CHRDL2: variants seen among roughly 807,000 people sequenced by gnomAD.
The protein encoded by CHRDL2 is chordin-like protein 2.
CHRDL2 carries 41 observed loss-of-function variants against 54.3 expected under a neutral mutation model. The ratio of observed to expected loss-of-function variants is 0.76; its 90% confidence interval spans 0.59 to 0.98. The LOEUF is 0.98. Among genes scored for constraint, CHRDL2 ranks in the 50% least tolerant of loss-of-function variants. The pLI, the probability that CHRDL2 is intolerant of heterozygous loss-of-function variation, is 0.00. For missense variants in CHRDL2, 518 were observed against 562.4 expected (o/e 0.92, Z 0.80); for synonymous variants, 220 against 224.3 (o/e 0.98, Z 0.17).
At chr11:74,703,080 A>C (rs966228724) in intron 8 of CHRDL2, 113 bp from the exon 9 acceptor site, 2 of 1,153,206 alleles carry the variant, frequency 1.7e-6, no homozygotes, top group African/African-American at 1.6e-5. Context: ...TACTGATTCT[A>C]TGTTAACAAC....
intron 3 of CHRDL2, among the ~76,000 whole-genome samples, chr11:74,712,911 A>G (rs2034241835): frequency 6.6e-6 from 1 of 152,176 alleles, no homozygotes; most frequent in Non-Finnish European, 1.5e-5. Flanking sequence ...ATCAGGACAC[A>G]TAGAGTCCCT....
chr11:74,726,644 G>A (rs2034575363), intron 1 of CHRDL2, among the ~76,000 whole-genome samples: 1 of 152,208 alleles, frequency 6.6e-6, no homozygotes, highest in Non-Finnish European at 1.5e-5. Context: ...TGGCGGCTGG[G>A]GGAACTTGAG....
intron 1 of CHRDL2, among the ~76,000 whole-genome samples, chr11:74,728,037 A>C (rs1328532476): frequency 2.0e-5 from 3 of 152,162 alleles, no homozygotes; most frequent in Non-Finnish European, 4.4e-5. Context: ...ATTGGTGTTC[A>C]ACCTGTGGCC....
At chr11:74,706,660 C>G (rs1450979674) in intron 5 of CHRDL2, 118 bp from the exon 6 acceptor site, 3 of 872,930 alleles carry the variant, frequency 3.4e-6, no homozygotes, top group Non-Finnish European at 5.6e-6. Flanking sequence ...CCATCTGCAG[C>G]CCCAGCCCAC....
chr11:74,698,705 A>G (rs1487108329), intron 9 of CHRDL2: 1 of 144,426 alleles, frequency 6.9e-6, no homozygotes, highest in Non-Finnish European at 1.6e-5. Context: ...ACACACACAC[A>G]CACACACACA....
At chr11:74,698,676 TACAC>T (rs56835377) in intron 9 of CHRDL2, 16,868 of 136,022 alleles carry the variant, frequency 0.12, 1,045 homozygotes, top group African/African-American at 0.14. Flanking sequence ...GATGAACAAA[TACAC>T]ACACACACAC....
intron 3 of CHRDL2, among the ~76,000 whole-genome samples, chr11:74,712,918 C>G (rs2034242179): frequency 6.6e-6 from 1 of 152,166 alleles, no homozygotes; most frequent in South Asian, 2.1e-4. Context: ...CACATAGAGT[C>G]CCTGAATCTC....
At chr11:74,714,148 G>A (rs1297031412) in intron 2 of CHRDL2, among the ~76,000 whole-genome samples, 1 of 152,008 alleles carries the variant, frequency 6.6e-6, no homozygotes, top group Non-Finnish European at 1.5e-5. Context: ...AGCTCTCCAG[G>A]CAGTTTTTTT....
chr11:74,701,341 G>A (rs1313332124), intron 9 of CHRDL2: 2 of 406,376 alleles, frequency 4.9e-6, no homozygotes, highest in Non-Finnish European at 8.8e-6. Flanking sequence ...GCAGAGTTAG[G>A]ATTCGAACCC....
intron 1 of CHRDL2, among the ~76,000 whole-genome samples, chr11:74,720,728 C>T (rs1350854324): frequency 1.3e-5 from 2 of 152,140 alleles, no homozygotes; most frequent in East Asian, 1.9e-4. Context: ...GTGGGGTGAG[C>T]GGGGAGCTCA....
chr11:74,699,613 T>C (rs2033733504), intron 9 of CHRDL2: 1 of 152,272 alleles, frequency 6.6e-6, no homozygotes, highest in African/African-American at 2.4e-5. Context: ...GGGCTTGGAA[T>C]TGAGACCCCG....
intron 2 of CHRDL2, among the ~76,000 whole-genome samples, chr11:74,715,129 C>G (rs373971910): frequency 6.6e-6 from 1 of 152,170 alleles, no homozygotes; most frequent in Non-Finnish European, 1.5e-5. Context: ...CACCAGGGCC[C>G]GTGTACTTTC....
At chr11:74,707,178 T>C (rs1319150035) in intron 5 of CHRDL2, among the ~76,000 whole-genome samples, 6 of 152,130 alleles carry the variant, frequency 3.9e-5, no homozygotes, top group Non-Finnish European at 8.8e-5. Context: ...TCATTCCCGT[T>C]TCAAAGACCC....
intron 5 of CHRDL2, among the ~76,000 whole-genome samples, chr11:74,707,318 C>T (rs2034042443): frequency 6.6e-6 from 1 of 152,206 alleles, no homozygotes; most frequent in Non-Finnish European, 1.5e-5. Flanking sequence ...GTCCAGTGCT[C>T]CTTCCAAAAT....
chr11:74,723,746 G>A (rs888781173), intron 1 of CHRDL2, among the ~76,000 whole-genome samples: 7 of 152,142 alleles, frequency 4.6e-5, no homozygotes, highest in African/African-American at 1.4e-4. Flanking sequence ...TGGACAAAGG[G>A]GTGATTTACA....
rs115952189 is a variant in CHRDL2, at chr11:74,715,170, C to T, written c.196-1691G>A. 8.4e-3 allele frequency among the ~76,000 whole-genome samples: 1,276 copies of T among 152,276 alleles called. 23 individuals are homozygous for T. The highest frequency in any genetic ancestry group is 0.029 in the African/African-American group (1,209 of 41,536). On this transcript the variant is annotated intron_variant, in intron 2 of 10. Transcript: ENST00000376332. ...TGCTGAGCTGCCTCTGGTGGGTAGA[C>T]GTGGACTCATTCACGCTCAATACTT...
chr11:74,706,435 C>T (rs367994435), intron 6 of CHRDL2, 52 bp downstream of exon 6: 13 of 1,576,110 alleles, frequency 8.2e-6, no homozygotes, highest in Non-Finnish European at 1.1e-5. Flanking sequence ...AGATTTAGGC[C>T]CTGGATCCCA....
At chr11:74,708,153 G>C (rs2034068586) in intron 5 of CHRDL2, 149 bp downstream of exon 5, 3 of 528,140 alleles carry the variant, frequency 5.7e-6, no homozygotes, top group Non-Finnish European at 6.5e-6. Flanking sequence ...TGCTTTCTGG[G>C]GGGTGCAGGC....
intron 2 of CHRDL2, among the ~76,000 whole-genome samples, chr11:74,716,262 C>T (rs979138258): frequency 2.0e-4 from 31 of 152,058 alleles, no homozygotes; most frequent in Non-Finnish European, 2.9e-5. Flanking sequence ...TAAGGCCAGG[C>T]GTGGTGGCTC....
Sources: gnomAD v4.1 joint callset for allele counts (sites outside exome capture counted in the v4.1 genomes callset) on GRCh38, gnomAD v4.1.1 for gene constraint, MANE v1.5 for transcripts, NCBI Gene and HGNC (gene_info 2026-07-23, HGNC 2026-07-21) for gene names.